Variants in EYS observed in about 807,000 individuals in gnomAD.
EYS encodes protein eyes shut homolog.
EYS carries 250 observed loss-of-function variants against 282.1 expected under a neutral mutation model. The ratio of observed to expected loss-of-function variants is 0.89; its 90% confidence interval spans 0.80 to 0.98. EYS has a LOEUF of 0.98. EYS is among the 50% of genes least tolerant of loss of function. The pLI is 0.00. For synonymous variants in EYS, 1,355 were observed against 1,282.9 expected (o/e 1.06, Z -1.20); for missense variants, 4,016 against 3,709.0 (o/e 1.08, Z -2.15).
intron 39 of EYS, chr6:63,787,395 A>G (rs1256829235): frequency 1.3e-5 from 2 of 152,142 alleles, no homozygotes; most frequent in East Asian, 1.9e-4. Flanking sequence ...TGGACTTTCA[A>G]TTTTTACTGT....
At chr6:65,379,581 A>G (rs1051715694) in intron 8 of EYS, among the ~76,000 whole-genome samples, 1 of 151,816 alleles carries the variant, frequency 6.6e-6, no homozygotes, top group Non-Finnish European at 1.5e-5. Context: ...CTCTCTCACC[A>G]CTCCTGTTCA....
At chr6:64,303,909 G>T (rs947861379) in intron 30 of EYS, among the ~76,000 whole-genome samples, 6 of 150,242 alleles carry the variant, frequency 4.0e-5, no homozygotes, top group Non-Finnish European at 8.9e-5. Context: ...CTCTTACCTT[G>T]AGTTAATAGC....
intron 2 of EYS, among the ~76,000 whole-genome samples, chr6:65,513,019 T>C (rs1283657127): frequency 4.0e-5 from 6 of 151,814 alleles, no homozygotes; most frequent in Non-Finnish European, 7.4e-5. Flanking sequence ...TTTGAAAGGA[T>C]CAACAAAATT....
At chr6:65,587,533 C>T (rs1327734062) in intron 2 of EYS, among the ~76,000 whole-genome samples, 2 of 152,066 alleles carry the variant, frequency 1.3e-5, no homozygotes, top group South Asian at 4.1e-4. Context: ...TCCCCTTCTG[C>T]CGTGACTGCA....
intron 2 of EYS, among the ~76,000 whole-genome samples, chr6:65,570,429 G>A (rs1231087276): frequency 6.6e-6 from 1 of 152,166 alleles, no homozygotes; most frequent in African/African-American, 2.4e-5. Flanking sequence ...AAGTTATTAT[G>A]CTGTGATTAA....
At chr6:64,876,818 G>A (rs931027746) in intron 19 of EYS, among the ~76,000 whole-genome samples, 7 of 152,106 alleles carry the variant, frequency 4.6e-5, no homozygotes, top group African/African-American at 1.7e-4. Context: ...TGGAATTGAG[G>A]GAGAAATTAG....
intron 12 of EYS, among the ~76,000 whole-genome samples, chr6:65,243,548 T>C (rs1016780591): frequency 6.6e-6 from 1 of 152,146 alleles, no homozygotes; most frequent in African/African-American, 2.4e-5. Context: ...TACCATAAGG[T>C]TCTAATAGGT....
intron 2 of EYS, among the ~76,000 whole-genome samples, chr6:65,584,777 A>C (rs112634812): frequency 4.0e-5 from 6 of 151,646 alleles, no homozygotes; most frequent in African/African-American, 1.4e-4. Context: ...TTTATAATCC[A>C]TTTAAATCAC....
chr6:64,707,531 T>A (rs533229391), intron 22 of EYS, among the ~76,000 whole-genome samples: 1 of 151,794 alleles, frequency 6.6e-6, no homozygotes, highest in Non-Finnish European at 1.5e-5. Context: ...TAGCCGGGCG[T>A]GGTGGCGGGC....
At chr6:65,318,996 A>T (rs915233945) in intron 11 of EYS, among the ~76,000 whole-genome samples, 2 of 151,268 alleles carry the variant, frequency 1.3e-5, no homozygotes, top group African/African-American at 2.4e-5. Flanking sequence ...ATTATTTTCT[A>T]CTTTTGATTT....
At chr6:64,644,261 G>T (rs1185548206) in intron 22 of EYS, among the ~76,000 whole-genome samples, 1 of 152,044 alleles carries the variant, frequency 6.6e-6, no homozygotes, top group Non-Finnish European at 1.5e-5. Context: ...CATCATAATG[G>T]AGCATCCCAG....
chr6:65,015,765 T>G (rs2150135615), intron 13 of EYS, among the ~76,000 whole-genome samples: 1 of 149,408 alleles, frequency 6.7e-6, no homozygotes, highest in Admixed American at 6.8e-5. Flanking sequence ...CCGGGTGCAG[T>G]GGCTCACATC....
At chr6:64,210,127 C>T (rs1298943465) in intron 31 of EYS, among the ~76,000 whole-genome samples, 3 of 152,094 alleles carry the variant, frequency 2.0e-5, no homozygotes, top group Non-Finnish European at 4.4e-5. Flanking sequence ...GATTTATTTT[C>T]TTTCTTCCTT....
chr6:65,224,028 T>C (rs1399380024), intron 12 of EYS, among the ~76,000 whole-genome samples: 2 of 152,142 alleles, frequency 1.3e-5, no homozygotes, highest in Non-Finnish European at 2.9e-5. Flanking sequence ...CACAATGAAG[T>C]TGCTTGACAA....
chr6:64,859,410 A>T (rs1302906773), intron 19 of EYS, among the ~76,000 whole-genome samples: 1 of 151,530 alleles, frequency 6.6e-6, no homozygotes, highest in Non-Finnish European at 1.5e-5. Context: ...TGAAAACTTT[A>T]AAACACTCAT....
Position 63,788,117 on chromosome 6 carries a change from T to G in EYS, c.7711A>C (p.Asn2571His). ...GTCCATGCCTTACCTTGAAAACCAT[T>G]TTTAAAATCTGCTCCATTTGGTAAG... ...DLLPNGADFK[N>H]GFQGCIFTLQ... Residue 2571 changes from asparagine to histidine, a missense_variant, in exon 39 of 43, where the codon AAT (asparagine) becomes CAT (histidine). Coordinates refer to ENST00000503581, the MANE Select transcript of EYS (RefSeq NM_001142800.2). 6.5e-7 allele frequency: 1 copy of G among 1,536,408 alleles called. No homozygotes were observed. Among genetic ancestry groups the G allele is most frequent in the Non-Finnish European group, 8.7e-7 (1 of 1,143,080 alleles).
chr6:64,848,676 G>A (rs1765789760), intron 19 of EYS, among the ~76,000 whole-genome samples: 1 of 152,112 alleles, frequency 6.6e-6, no homozygotes, highest in African/African-American at 2.4e-5. Flanking sequence ...ACAAGCGAAT[G>A]CAGCTGGTGT....
rs570060966 is a variant in EYS at position 64,031,221 on chromosome 6, G to A, written c.6726-32038C>T. On this transcript the variant is annotated intron_variant, in intron 33 of 42. Coordinates refer to ENST00000503581, the MANE Select transcript of EYS (RefSeq NM_001142800.2). ...TTGCAGGCCAGCATGAGTTCTGGGT[G>A]GGCATGGGCTTGGCCAGCTCCGCAC... Among the ~76,000 whole-genome samples, 3 of 152,354 alleles carry A rather than the reference G, an allele frequency of 2.0e-5. No homozygotes were observed. The East Asian group carries it at 5.8e-4, about 29-fold the overall frequency.
chr6:64,519,468 A>T (rs1049388857), intron 26 of EYS, among the ~76,000 whole-genome samples: 1 of 151,858 alleles, frequency 6.6e-6, no homozygotes, highest in Non-Finnish European at 1.5e-5. Flanking sequence ...CTCGGTAAAG[A>T]GATAAAGAGG....
Sources: allele counts gnomAD v4.1 joint callset (sites outside exome capture counted in the v4.1 genomes callset), GRCh38; gene constraint gnomAD v4.1.1; transcripts MANE v1.5; gene names NCBI Gene and HGNC (gene_info 2026-07-23, HGNC 2026-07-21).